The following ARMC9 variants were observed in gnomAD, a reference collection of about 807,000 sequenced individuals.
The protein encoded by ARMC9 is armadillo repeat containing 9, also known as lisH domain-containing protein ARMC9.
ARMC9 carries 94 observed loss-of-function variants against 107.0 expected under a neutral mutation model. The ratio of observed to expected loss-of-function variants is 0.88; its 90% CI spans 0.74 to 1.04. The LOEUF (loss-of-function observed/expected upper bound fraction) is 1.04. ARMC9 is among the 50% of genes least tolerant of loss of function. ARMC9 has a pLI of 0.00. For synonymous variants in ARMC9, 380 were observed against 396.9 expected, an observed-to-expected ratio of 0.96 and a Z score of 0.51; for missense variants, 942 against 1,030.1, an observed-to-expected ratio of 0.91 and a Z score of 1.17.
At chr2:231,280,076 G>A (rs1192851194) in intron 16 of ARMC9, among the ~76,000 whole-genome samples, 1 of 152,172 alleles carries the variant, frequency 6.6e-6, no homozygotes, top group African/African-American at 2.4e-5. Context: ...TTCAAGTACT[G>A]GAACCAATAT....
intron 4 of ARMC9, among the ~76,000 whole-genome samples, chr2:231,215,642 T>C (rs542447927): frequency 2.0e-5 from 3 of 152,328 alleles, no homozygotes; most frequent in African/African-American, 7.2e-5. Flanking sequence ...GCTGCTGCGG[T>C]GGCTGAGCTT....
intron 5 of ARMC9, among the ~76,000 whole-genome samples, chr2:231,219,846 A>G (rs962495555): frequency 6.6e-6 from 1 of 151,702 alleles, no homozygotes; most frequent in African/African-American, 2.4e-5. Flanking sequence ...TTTTCTTTTT[A>G]GTATTAAAGA....
chr2:231,343,044 A>G lies in ARMC9; in HGVS notation c.1879-1931A>G, dbSNP rs147594316. 2.4e-3 allele frequency among the ~76,000 whole-genome samples: 366 copies of G among 152,044 alleles called. 2 individuals are homozygous for G. The highest frequency in any genetic ancestry group is 0.014 in the Middle Eastern group (4 of 292). On this transcript the variant is annotated intron_variant, in intron 20 of 24. Transcript: ENST00000611582. ...TTCTCCTGCCTCAGCCTCCTGAGTC[A>G]CTGGGATTACAGGCATGCACCACCA...
intron 21 of ARMC9, among the ~76,000 whole-genome samples, chr2:231,354,698 C>T (rs547053551): frequency 6.6e-6 from 1 of 152,286 alleles, no homozygotes; most frequent in South Asian, 2.1e-4. Flanking sequence ...ATGAAATTGA[C>T]ATTCAAAAAC....
At chr2:231,361,991 G>A (rs1055513637) in intron 23 of ARMC9, among the ~76,000 whole-genome samples, 2 of 152,164 alleles carry the variant, frequency 1.3e-5, no homozygotes, top group African/African-American at 4.8e-5. Flanking sequence ...TCGGAACTGT[G>A]GGAAGGATGG....
chr2:231,272,689 T>C (rs2039442544), intron 13 of ARMC9, among the ~76,000 whole-genome samples: 1 of 151,994 alleles, frequency 6.6e-6, no homozygotes, highest in African/African-American at 2.4e-5. Context: ...CTAATTTTTG[T>C]ATTTTTAATA....
At chr2:231,270,794 T>C in intron 12 of ARMC9, 188 bp from the exon 13 acceptor site, 1 of 701,032 alleles carries the variant, frequency 1.4e-6, no homozygotes, top group Non-Finnish European at 2.6e-6. Context: ...GACTAACTTA[T>C]TTTTGCCAAG....
At chr2:231,317,557 G>A (rs1407724156) in intron 19 of ARMC9, among the ~76,000 whole-genome samples, 1 of 151,562 alleles carries the variant, frequency 6.6e-6, no homozygotes, top group Non-Finnish European at 1.5e-5. Context: ...AATTTGAGTA[G>A]TGTATAACCA....
intron 2 of ARMC9, among the ~76,000 whole-genome samples, chr2:231,207,404 C>T (rs1248810722): frequency 6.6e-6 from 1 of 152,244 alleles, no homozygotes; most frequent in Non-Finnish European, 1.5e-5. Flanking sequence ...AAGCGATCCT[C>T]CTACCTCAGC....
At chr2:231,351,496 A>G (rs540191360) in intron 21 of ARMC9, among the ~76,000 whole-genome samples, 12 of 152,258 alleles carry the variant, frequency 7.9e-5, no homozygotes, top group African/African-American at 2.9e-4. Context: ...AAGAAAATAA[A>G]AATTATTTAT....
intron 9 of ARMC9, among the ~76,000 whole-genome samples, chr2:231,254,667 A>C (rs1018996400): frequency 6.8e-5 from 10 of 146,086 alleles, no homozygotes; most frequent in African/African-American, 2.5e-4. Flanking sequence ...AAAAAAAAAA[A>C]TTGAAAAAAA....
At position 231,256,618 on chromosome 2, in the gene ARMC9, C is replaced by G; in HGVS notation, c.912C>G (p.Pro304=). ...CCATGTTACGAGCCTCCTTGGCACC[C>G]GTGTAAGTAACTGCTCTTAGGAATT... ...ASTMLRASLA[P]VKLKDVPLLP... The change falls in exon 10 of 25, where the codon CCC becomes CCG. Residue 304 remains proline, a splice_region_variant and synonymous_variant. Coordinates refer to ENST00000611582, the MANE Select transcript of ARMC9 (RefSeq NM_001352754.2). The G allele has an allele frequency of 6.2e-7, 1 of 1,613,834 alleles. No individual in the cohort carries two copies.
chr2:231,241,035 T>C (rs2125373906), intron 9 of ARMC9, among the ~76,000 whole-genome samples: 1 of 152,052 alleles, frequency 6.6e-6, no homozygotes. Flanking sequence ...CCATCTCTAC[T>C]AAACATACAA....
At chr2:231,312,097 C>T (rs776450404) in intron 19 of ARMC9, among the ~76,000 whole-genome samples, 7 of 152,168 alleles carry the variant, frequency 4.6e-5, no homozygotes, top group Non-Finnish European at 1.0e-4. Flanking sequence ...TATTTTCCTC[C>T]CAATTCTGTG....
intron 9 of ARMC9, among the ~76,000 whole-genome samples, chr2:231,242,222 G>C (rs1411964136): frequency 2.0e-5 from 3 of 151,774 alleles, no homozygotes; most frequent in Admixed American, 2.0e-4. Flanking sequence ...TAAGACCCGG[G>C]ATAATCTCTT....
intron 12 of ARMC9, among the ~76,000 whole-genome samples, chr2:231,267,612 T>C (rs2038967280): frequency 6.6e-6 from 1 of 152,222 alleles, no homozygotes; most frequent in South Asian, 2.1e-4. Context: ...CTTCTAGTTC[T>C]CAGGGGTTGA....
At chr2:231,290,169 T>C (rs1421409670) in intron 17 of ARMC9, among the ~76,000 whole-genome samples, 1 of 152,258 alleles carries the variant, frequency 6.6e-6, no homozygotes, top group Admixed American at 6.5e-5. Context: ...CTCATGTTTA[T>C]AGTTGAAGAA....
intron 12 of ARMC9, among the ~76,000 whole-genome samples, chr2:231,267,082 G>A (rs1474386229): frequency 6.6e-6 from 1 of 152,210 alleles, no homozygotes; most frequent in Non-Finnish European, 1.5e-5. Context: ...ACCAAAGTTT[G>A]GGATGACAGT....
chr2:231,356,510 A>T (rs544653264), intron 22 of ARMC9, among the ~76,000 whole-genome samples: 1 of 152,222 alleles, frequency 6.6e-6, no homozygotes, highest in African/African-American at 2.4e-5. Flanking sequence ...GATTATGAGC[A>T]GTTCAGATAA....
Sources: gnomAD v4.1 joint callset for allele counts (sites outside exome capture counted in the v4.1 genomes callset) on GRCh38, gnomAD v4.1.1 for gene constraint, MANE v1.5 for transcripts, NCBI Gene and HGNC (gene_info 2026-07-23, HGNC 2026-07-21) for gene names.